The following NAV2 variants were observed in gnomAD, a reference collection of about 807,000 sequenced individuals.
The protein encoded by NAV2 is helicase, APC down-regulated 1.
In NAV2, 54 loss-of-function variants were observed where a neutral mutation model predicts 223.2. That is an observed-to-expected ratio of 0.24 (90% CI 0.19 to 0.30). The LOEUF is 0.30. Ranked by LOEUF, NAV2 falls within the 10% of genes least tolerant of loss-of-function variation. NAV2 has a pLI of 1.00. For missense variants in NAV2, 2,806 were observed against 3,147.5 expected (o/e 0.89, Z 2.60); for synonymous variants, 1,279 against 1,239.3 (o/e 1.03, Z -0.67).
intron 8 of NAV2, among the ~76,000 whole-genome samples, chr11:19,942,250 G>A (rs1355537256): frequency 2.0e-5 from 3 of 152,184 alleles, no homozygotes; most frequent in Admixed American, 6.5e-5. Context: ...AGTTTAGAAC[G>A]TGATCACCTA....
rs995376785 is a variant in NAV2, at chr11:19,612,036, A to G, written c.76-220448A>G. 8.5e-5 allele frequency among the ~76,000 whole-genome samples: 13 copies of G among 152,314 alleles called. No homozygotes were observed. In the East Asian group the frequency reaches 1.9e-3, roughly 23 times the overall value. ...TCTAGACGGATGTTCCCAAACCTCAATTATTGACTTCTATGCACCCACAGG... is the reference window on the plus strand; with the variant it reads ...TCTAGACGGATGTTCCCAAACCTCAGTTATTGACTTCTATGCACCCACAGG... On this transcript the variant is annotated intron_variant, in intron 1 of 37. Coordinates refer to the NAV2 transcript ENST00000360655.
At chr11:19,739,481 G>A (rs1422416903) in intron 1 of NAV2, among the ~76,000 whole-genome samples, 1 of 152,128 alleles carries the variant, frequency 6.6e-6, no homozygotes, top group East Asian at 1.9e-4. Flanking sequence ...GGTCACGCTG[G>A]GGACCCTGAA....
At chr11:19,921,946 G>T (rs937957845) in intron 6 of NAV2, among the ~76,000 whole-genome samples, 1 of 152,168 alleles carries the variant, frequency 6.6e-6, no homozygotes, top group African/African-American at 2.4e-5. Context: ...GTGTGTGTGG[G>T]TATATAAATA....
chr11:19,881,074 C>A (rs1418710782), intron 5 of NAV2, among the ~76,000 whole-genome samples: 1 of 152,194 alleles, frequency 6.6e-6, no homozygotes, highest in Non-Finnish European at 1.5e-5. Context: ...TTCTCACACA[C>A]CTTGATATAC....
intron 1 of NAV2, among the ~76,000 whole-genome samples, chr11:19,419,536 C>T (rs973584727): frequency 3.9e-5 from 6 of 152,246 alleles, no homozygotes; most frequent in Middle Eastern, 3.4e-3. Context: ...GGTGGGGCTT[C>T]GAGACCCGCT....
chr11:19,376,640 A>G (rs1168761790), intron 1 of NAV2, among the ~76,000 whole-genome samples: 1 of 152,228 alleles, frequency 6.6e-6, no homozygotes, highest in Admixed American at 6.5e-5. Context: ...AACGTTTATG[A>G]AAGATCTACT....
At chr11:19,927,714 A>C (rs2044907488) in intron 6 of NAV2, among the ~76,000 whole-genome samples, 1 of 142,262 alleles carries the variant, frequency 7.0e-6, no homozygotes, top group African/African-American at 3.1e-5. Flanking sequence ...AAAACAAAAC[A>C]AAAAAAACCT....
intron 1 of NAV2, among the ~76,000 whole-genome samples, chr11:19,374,772 G>A (rs996750524): frequency 2.6e-5 from 4 of 152,082 alleles, no homozygotes; most frequent in African/African-American, 9.7e-5. Context: ...ACGTTCTCCC[G>A]CTTTGTTCTC....
At chr11:20,066,600 T>C (rs544323789) in intron 20 of NAV2, among the ~76,000 whole-genome samples, 1 of 152,116 alleles carries the variant, frequency 6.6e-6, no homozygotes, top group South Asian at 2.1e-4. Flanking sequence ...ATGGGGAGCA[T>C]AGGTTGAAGG....
chr11:19,400,672 C>G (rs892871841), intron 1 of NAV2, among the ~76,000 whole-genome samples: 1 of 152,156 alleles, frequency 6.6e-6, no homozygotes, highest in Non-Finnish European at 1.5e-5. Flanking sequence ...AAAAAGGTAC[C>G]CTTCTTCAAG....
chr11:19,952,635 T>A (rs964279684), intron 10 of NAV2, among the ~76,000 whole-genome samples: 31 of 152,344 alleles, frequency 2.0e-4, no homozygotes, highest in African/African-American at 7.0e-4. Context: ...GATATGGAAG[T>A]AAATTCTGGT....
At chr11:19,419,959 G>T (rs913783730) in intron 1 of NAV2, among the ~76,000 whole-genome samples, 2 of 152,190 alleles carry the variant, frequency 1.3e-5, no homozygotes, top group African/African-American at 4.8e-5. Flanking sequence ...CCCTGGGTCA[G>T]GGCTTTGTAA....
At chr11:20,023,996 A>G (rs2054794118) in intron 11 of NAV2, among the ~76,000 whole-genome samples, 1 of 152,172 alleles carries the variant, frequency 6.6e-6, no homozygotes, top group African/African-American at 2.4e-5. Context: ...AAATAACTTG[A>G]TTAAGGTTAC....
chr11:20,087,558 C>G (rs77830322), intron 26 of NAV2, among the ~76,000 whole-genome samples: 1,702 of 152,214 alleles, frequency 0.011, 18 homozygotes, highest in Middle Eastern at 0.041. Flanking sequence ...TTCCCACACT[C>G]GAGGCATTTT....
chr11:19,948,132 C>T (rs577407019), intron 9 of NAV2, among the ~76,000 whole-genome samples: 1 of 152,010 alleles, frequency 6.6e-6, no homozygotes, highest in South Asian at 2.1e-4. Flanking sequence ...TGTCGGCAGG[C>T]TGGAGTGCAG....
chr11:19,541,533 T>G (rs908090649), intron 1 of NAV2, among the ~76,000 whole-genome samples: 2 of 152,222 alleles, frequency 1.3e-5, no homozygotes, highest in South Asian at 4.1e-4. Flanking sequence ...TGGGGCCTTC[T>G]ACAGGAGCAG....
chr11:19,642,934 G>C (rs1461601512), intron 1 of NAV2, among the ~76,000 whole-genome samples: 1 of 152,184 alleles, frequency 6.6e-6, no homozygotes, highest in Admixed American at 6.5e-5. Context: ...TCAGGTGGTA[G>C]TTCTGTTGGA....
At chr11:20,080,625 T>G (rs911840181) in intron 25 of NAV2, among the ~76,000 whole-genome samples, 1 of 152,220 alleles carries the variant, frequency 6.6e-6, no homozygotes, top group Non-Finnish European at 1.5e-5. Flanking sequence ...TTTATCTATT[T>G]ATTTACACAA....
chr11:19,351,872 T>A (rs377480369), intron 1 of NAV2, among the ~76,000 whole-genome samples: 2 of 145,484 alleles, frequency 1.4e-5, no homozygotes, highest in South Asian at 2.4e-4. Context: ...GGTATCCCTC[T>A]CCTCCTGAGT....
Sources: gnomAD v4.1 joint callset for allele counts (sites outside exome capture counted in the v4.1 genomes callset) on GRCh38, gnomAD v4.1.1 for gene constraint, MANE v1.5 for transcripts, NCBI Gene and HGNC (gene_info 2026-07-23, HGNC 2026-07-21) for gene names.